ATP6V1E1: variants seen among roughly 807,000 people sequenced by gnomAD.
The protein encoded by ATP6V1E1 is V-type proton ATPase subunit E 1.
ATP6V1E1 carries 21 observed loss-of-function variants against 35.2 expected under a neutral mutation model. The ratio of observed to expected loss-of-function variants is 0.60; its 90% CI spans 0.42 to 0.86. The LOEUF (loss-of-function observed/expected upper bound fraction) is 0.86, where lower values mean the gene tolerates loss of function less well. Ranked by LOEUF, ATP6V1E1 falls within the 40% of genes least tolerant of loss-of-function variation. ATP6V1E1 has a pLI of 0.00. For missense variants in ATP6V1E1, 183 were observed against 272.6 expected (o/e 0.67, Z 2.32); for synonymous variants, 83 against 87.8 (o/e 0.95, Z 0.30).
chr22:17,593,942 C>G (rs1053264694), intron 8 of ATP6V1E1, among the ~76,000 whole-genome samples: 2 of 152,256 alleles, frequency 1.3e-5, no homozygotes, highest in South Asian at 4.2e-4. Flanking sequence ...GTGGCTCACA[C>G]CTGTAATCCC....
intron 5 of ATP6V1E1, 39 bp downstream of exon 5, chr22:17,601,053 A>C (rs2057759363): frequency 6.4e-7 from 1 of 1,557,592 alleles, no homozygotes; most frequent in African/African-American, 1.4e-5. Flanking sequence ...TTTTCTCAGA[A>C]CTGTGGCTAT....
At chr22:17,625,884 T>G (rs1214963997) in intron 1 of ATP6V1E1, among the ~76,000 whole-genome samples, 1 of 151,746 alleles carries the variant, frequency 6.6e-6, no homozygotes, top group Non-Finnish European at 1.5e-5. Context: ...AAAAAAAAGT[T>G]TCCCAGGACT....
rs2057815674 is a variant in ATP6V1E1, at chr22:17,611,580, A to T, written c.276+1232T>A. ...GTCCAAAAGTCCAGCCCACCCAGGG[A>T]TGCCAAAACAAACAAACAGAAAAAA... is the stretch of plus-strand genomic sequence containing the variant. On this transcript the variant is annotated intron_variant, in intron 4 of 8. Coordinates refer to ENST00000253413, the MANE Select transcript of ATP6V1E1 (RefSeq NM_001696.4). Among the ~76,000 whole-genome samples the T allele has an allele frequency of 2.6e-5, 4 of 152,300 alleles. No individual in the cohort carries two copies. The South Asian group carries it at 8.3e-4, about 32-fold the overall frequency.
At chr22:17,594,473 C>A in intron 8 of ATP6V1E1, 56 bp downstream of exon 8, 1 of 1,330,240 alleles carries the variant, frequency 7.5e-7, no homozygotes, top group South Asian at 1.5e-5. Flanking sequence ...CACGTGTTCT[C>A]TGTCCCACTT....
At chr22:17,599,982 G>T in intron 6 of ATP6V1E1, 45 bp downstream of exon 6, 4 of 1,249,230 alleles carry the variant, frequency 3.2e-6, no homozygotes, top group Non-Finnish European at 4.4e-6. Context: ...AGGAAGAAAG[G>T]GAGGGGGGAG....
intron 1 of ATP6V1E1, among the ~76,000 whole-genome samples, chr22:17,626,120 T>C (rs2057903143): frequency 6.6e-6 from 1 of 151,630 alleles, no homozygotes; most frequent in Non-Finnish European, 1.5e-5. Context: ...TCCTGGCTAA[T>C]ACAGTGAAAC....
chr22:17,606,584 C>G (rs570111166), intron 4 of ATP6V1E1, among the ~76,000 whole-genome samples: 7 of 152,260 alleles, frequency 4.6e-5, no homozygotes, highest in South Asian at 2.1e-4. Context: ...AAAGCTCAAG[C>G]TATATACTGA....
intron 6 of ATP6V1E1, among the ~76,000 whole-genome samples, chr22:17,598,692 G>A (rs1366417618): frequency 3.3e-5 from 5 of 152,172 alleles, no homozygotes; most frequent in African/African-American, 9.7e-5. Context: ...ATGAGGGGGA[G>A]ACAGCAGGCA....
chr22:17,594,810 C>T, intron 7 of ATP6V1E1, 194 bp from the exon 8 acceptor site: 1 of 423,006 alleles, frequency 2.4e-6, no homozygotes, highest in Middle Eastern at 3.6e-4. Context: ...CAGTCCCCGC[C>T]TAGATGTCCA....
rs1300804111 is a variant in ATP6V1E1, at chr22:17,616,876, G to A, written c.99+2585C>T. The stretch of plus-strand genomic sequence containing the variant: ...ATCCCGGCTAAAACGGTGAAACCCC[G>A]TCTCTACTAAAAATACAAAAAATTA... On this transcript the variant is annotated intron_variant, in intron 2 of 8. Transcript: ENST00000253413. Among the ~76,000 whole-genome samples, 207 of 91,620 alleles carry A rather than the reference G, an allele frequency of 2.3e-3. 49 individuals carry two copies. The highest frequency in any genetic ancestry group is 3.4e-3 in the Non-Finnish European group (144 of 42,286). 60.1% of individuals were successfully genotyped at this position (91,620 alleles called of 152,430 possible).
At chr22:17,621,278 A>G (rs748177972) in intron 1 of ATP6V1E1, among the ~76,000 whole-genome samples, 4 of 152,152 alleles carry the variant, frequency 2.6e-5, no homozygotes, top group Non-Finnish European at 5.9e-5. Flanking sequence ...CCCCCGCTTA[A>G]GATAAAGATT....
At chr22:17,620,372 C>G (rs2057869872) in intron 1 of ATP6V1E1, among the ~76,000 whole-genome samples, 1 of 151,954 alleles carries the variant, frequency 6.6e-6, no homozygotes, top group African/African-American at 2.4e-5. Context: ...TGGTCTCGAT[C>G]TCCTGGCCCT....
chr22:17,596,801 T>C (rs896260429), intron 7 of ATP6V1E1, among the ~76,000 whole-genome samples: 1 of 152,104 alleles, frequency 6.6e-6, no homozygotes, highest in African/African-American at 2.4e-5. Flanking sequence ...TCTTTTTTTC[T>C]TCACTGCATG....
chr22:17,598,656 G>T (rs76737780), intron 6 of ATP6V1E1, among the ~76,000 whole-genome samples: 1 of 152,120 alleles, frequency 6.6e-6, no homozygotes, highest in Non-Finnish European at 1.5e-5. Context: ...TTGGCTGCTG[G>T]CATGAGCTTC....
At chr22:17,592,897 C>T (rs2057711882) in intron 8 of ATP6V1E1, among the ~76,000 whole-genome samples, 161 bp from the exon 9 acceptor site, 1 of 151,448 alleles carries the variant, frequency 6.6e-6, no homozygotes, top group Non-Finnish European at 1.5e-5. Flanking sequence ...ACGCCATTCT[C>T]CTGCCTCAGC....
intron 7 of ATP6V1E1, among the ~76,000 whole-genome samples, chr22:17,595,568 C>A (rs1256177216): frequency 1.3e-5 from 2 of 152,114 alleles, no homozygotes; most frequent in Non-Finnish European, 2.9e-5. Context: ...GGTAGCTCAC[C>A]CCTGTAATCC....
intron 4 of ATP6V1E1, among the ~76,000 whole-genome samples, chr22:17,601,880 T>TAC (rs1204353487): frequency 6.6e-6 from 1 of 151,514 alleles, no homozygotes; most frequent in Non-Finnish European, 1.5e-5. Flanking sequence ...GTGCTGGGAT[T>TAC]ACAGGCATGA....
chr22:17,599,787 G>C (rs148581478), intron 6 of ATP6V1E1, among the ~76,000 whole-genome samples: 81 of 150,978 alleles, frequency 5.4e-4, no homozygotes, highest in African/African-American at 1.6e-3. Context: ...AGGCATGGTG[G>C]CACACGCTTG....
intron 4 of ATP6V1E1, among the ~76,000 whole-genome samples, chr22:17,611,464 A>C (rs2146307477): frequency 6.6e-6 from 1 of 152,316 alleles, no homozygotes; most frequent in Admixed American, 6.5e-5. Flanking sequence ...TATATTAGTA[A>C]ATCATCTCTA....
Sources: gnomAD v4.1 joint callset for allele counts (sites outside exome capture counted in the v4.1 genomes callset) on GRCh38, gnomAD v4.1.1 for gene constraint, MANE v1.5 for transcripts, NCBI Gene and HGNC (gene_info 2026-07-23, HGNC 2026-07-21) for gene names.